The following CTNNBL1 variants were observed in gnomAD, a reference collection of about 807,000 sequenced individuals.
The protein encoded by CTNNBL1 is beta-catenin-like protein 1.
A neutral mutation model predicts 72.7 loss-of-function variants in CTNNBL1; 31 were observed. That is an observed-to-expected ratio of 0.43 (90% CI 0.32 to 0.58). The LOEUF is 0.58. Among genes scored for constraint, CTNNBL1 ranks in the 20% least tolerant of loss-of-function variants. The pLI is 0.08. For missense variants in CTNNBL1, 534 were observed against 725.1 expected (o/e 0.74, Z 3.03); for synonymous variants, 240 against 267.3 (o/e 0.90, Z 1.00).
chr20:37,870,022 A>C (rs942371534), intron 15 of CTNNBL1, among the ~76,000 whole-genome samples: 16 of 151,958 alleles, frequency 1.1e-4, no homozygotes, highest in South Asian at 4.2e-4. Context: ...AAAAAAAAAA[A>C]AAAACAGGGT....
At chr20:37,731,666 G>A (rs571225239) in intron 1 of CTNNBL1, among the ~76,000 whole-genome samples, 4 of 152,220 alleles carry the variant, frequency 2.6e-5, no homozygotes, top group East Asian at 3.9e-4. Context: ...GTGAGATTAC[G>A]AGGTATTTGT....
intron 3 of CTNNBL1, among the ~76,000 whole-genome samples, chr20:37,739,037 G>A (rs1401826757): frequency 6.6e-6 from 1 of 151,900 alleles, no homozygotes; most frequent in Non-Finnish European, 1.5e-5. Context: ...CAGCATTAGA[G>A]TCCTATCAGG....
intron 11 of CTNNBL1, among the ~76,000 whole-genome samples, chr20:37,835,354 T>G (rs985130389): frequency 1.3e-4 from 20 of 152,218 alleles, no homozygotes; most frequent in Non-Finnish European, 2.2e-4. Flanking sequence ...TTTCCTATTC[T>G]GTTTCTCTGG....
intron 13 of CTNNBL1, among the ~76,000 whole-genome samples, chr20:37,843,368 C>T (rs2072320742): frequency 6.6e-6 from 1 of 152,164 alleles, no homozygotes; most frequent in African/African-American, 2.4e-5. Flanking sequence ...CCCTCCCCAC[C>T]TTCCCGTGTT....
chr20:37,742,422 A>G (rs557073057), intron 3 of CTNNBL1, among the ~76,000 whole-genome samples: 33 of 152,354 alleles, frequency 2.2e-4, no homozygotes, highest in South Asian at 6.2e-4. Flanking sequence ...GAACTGGCTC[A>G]TGTTCTGATT....
chr20:37,868,916 GC>G (rs1199872291), intron 15 of CTNNBL1, among the ~76,000 whole-genome samples: 2 of 152,166 alleles, frequency 1.3e-5, no homozygotes, highest in African/African-American at 4.8e-5. Flanking sequence ...TCCAGACCAT[GC>G]CTCCGGGGAT....
rs543972210 is a variant in CTNNBL1 at position 37,860,896 on chromosome 20, T to C, written c.1603+552T>C. On this transcript the variant is annotated intron_variant, in intron 15 of 15. Coordinates refer to ENST00000361383, the MANE Select transcript of CTNNBL1 (RefSeq NM_030877.5). ...CTCTTACTGTGCCTAATTTATAAAT[T>C]AACCTTTATCATAGTTGTGTAGTTA... is the stretch of plus-strand genomic sequence containing the variant. Among the ~76,000 whole-genome samples the C allele has an allele frequency of 7.2e-5, 11 of 152,346 alleles. No individual in the cohort carries two copies. In the East Asian group the frequency reaches 1.3e-3, roughly 19 times the overall value.
chr20:37,826,666 T>C, intron 11 of CTNNBL1, among the ~76,000 whole-genome samples: 1 of 152,226 alleles, frequency 6.6e-6, no homozygotes, highest in Non-Finnish European at 1.5e-5. Context: ...GGATGAGCTG[T>C]ATGGCAAATA....
At chr20:37,808,654 G>C (rs1385250614) in intron 11 of CTNNBL1, among the ~76,000 whole-genome samples, 1 of 152,018 alleles carries the variant, frequency 6.6e-6, no homozygotes, top group Non-Finnish European at 1.5e-5. Flanking sequence ...TCTTCCCCTA[G>C]TTCCCCTTTT....
At chr20:37,720,416 C>T (rs2073030071) in intron 1 of CTNNBL1, among the ~76,000 whole-genome samples, 1 of 152,128 alleles carries the variant, frequency 6.6e-6, no homozygotes. Context: ...GCTTTGGCCT[C>T]CCAGATTGCT....
intron 10 of CTNNBL1, among the ~76,000 whole-genome samples, chr20:37,794,959 A>G: frequency 6.6e-6 from 1 of 151,634 alleles, no homozygotes; most frequent in Non-Finnish European, 1.5e-5. Flanking sequence ...TCATTCATAT[A>G]TGTGTTACTC....
At chr20:37,717,658 G>A (rs1356271266) in intron 1 of CTNNBL1, among the ~76,000 whole-genome samples, 2 of 151,670 alleles carry the variant, frequency 1.3e-5, no homozygotes, top group Admixed American at 6.6e-5. Context: ...CTCGCAGAGG[G>A]GGATTTGGCA....
chr20:37,832,178 C>G (rs181352416), intron 11 of CTNNBL1: 4 of 152,318 alleles, frequency 2.6e-5, no homozygotes, highest in Non-Finnish European at 4.4e-5. Flanking sequence ...TAGAACAAAT[C>G]TTGAGTTAGA....
intron 3 of CTNNBL1, among the ~76,000 whole-genome samples, chr20:37,740,001 T>C (rs1009123870): frequency 6.6e-6 from 1 of 152,218 alleles, no homozygotes; most frequent in African/African-American, 2.4e-5. Context: ...GTCTCTCAAT[T>C]TGGAGCAGAG....
intron 11 of CTNNBL1, among the ~76,000 whole-genome samples, chr20:37,812,285 T>G (rs2072018828): frequency 6.6e-6 from 1 of 152,140 alleles, no homozygotes; most frequent in African/African-American, 2.4e-5. Context: ...TTGCCTTCTT[T>G]CAAAAAAGAA....
At chr20:37,740,886 G>C (rs2073210020) in intron 3 of CTNNBL1, among the ~76,000 whole-genome samples, 1 of 152,084 alleles carries the variant, frequency 6.6e-6, no homozygotes, top group Non-Finnish European at 1.5e-5. Flanking sequence ...CCCCATCCTG[G>C]GGTCCTAGGA....
intron 13 of CTNNBL1, among the ~76,000 whole-genome samples, chr20:37,856,863 A>G (rs2072447484): frequency 6.6e-6 from 1 of 152,024 alleles, no homozygotes; most frequent in Non-Finnish European, 1.5e-5. Flanking sequence ...GGCTTCCCTT[A>G]CCTCCATTTT....
chr20:37,804,849 T>C (rs528108018), intron 11 of CTNNBL1, among the ~76,000 whole-genome samples: 20 of 152,332 alleles, frequency 1.3e-4, no homozygotes, highest in African/African-American at 4.3e-4. Context: ...TAACAGTCCA[T>C]TTGCTTTAGA....
chr20:37,702,964 T>A (rs2072856721), intron 1 of CTNNBL1, among the ~76,000 whole-genome samples: 1 of 152,226 alleles, frequency 6.6e-6, no homozygotes, highest in African/African-American at 2.4e-5. Context: ...TTGGCCTACA[T>A]CTCTGTGCTT....
Sources: allele counts gnomAD v4.1 joint callset (sites outside exome capture counted in the v4.1 genomes callset), GRCh38; gene constraint gnomAD v4.1.1; transcripts MANE v1.5; gene names NCBI Gene and HGNC (gene_info 2026-07-23, HGNC 2026-07-21).